PRR19: variants seen among roughly 807,000 people sequenced by gnomAD.
PRR19 encodes proline-rich protein 19.
In PRR19, 9 loss-of-function variants were observed where a neutral mutation model predicts 19.2. The observed-to-expected ratio is 0.47, with a 90% CI of 0.28 to 0.82. PRR19 has a LOEUF of 0.82. Ranked by LOEUF, PRR19 falls within the 40% of genes least tolerant of loss-of-function variation. The pLI is 0.11. For missense variants in PRR19, 457 were observed against 466.0 expected, an observed-to-expected ratio of 0.98 and a Z score of 0.18; for synonymous variants, 190 against 191.0, an observed-to-expected ratio of 0.99 and a Z score of 0.04.
intron 1 of PRR19, among the ~76,000 whole-genome samples, chr19:42,303,064 G>GGGGTGT (rs371257168): frequency 6.0e-4 from 80 of 134,034 alleles, no homozygotes; most frequent in East Asian, 2.0e-3. Flanking sequence ...AAACACCGTG[G>GGGGTGT]GTGTGTGTGT....
At chr19:42,303,564 G>A (rs1444544836) in intron 1 of PRR19, 1 of 152,188 alleles carries the variant, frequency 6.6e-6, no homozygotes, top group Non-Finnish European at 1.5e-5. Context: ...CTCACTCCAG[G>A]TGGGACCTTC....
In PRR19 at chr19:42,309,693, C is replaced by T. The variant is rs750410873; in HGVS notation, c.109C>T (p.Arg37Cys). ...RERNKALVGS[R>C]RPLAHHDPPV... ...ACGTAACAAGGCCCTGGTGGGCAGCCGCCGGCCATTAGCCCACCACGATCC... is the reference window on the plus strand; with the variant it reads ...ACGTAACAAGGCCCTGGTGGGCAGCTGCCGGCCATTAGCCCACCACGATCC... The change falls in exon 2 of 3, where the codon CGC (arginine) becomes TGC (cysteine). Residue 37 changes from arginine to cysteine, a missense_variant. Transcript: ENST00000341747. 35 of 1,603,518 alleles carry T rather than the reference C, an allele frequency of 2.2e-5. No homozygotes were observed. In the East Asian group the frequency reaches 3.8e-4, roughly 17 times the overall value.
chr19:42,305,426 G>A (rs900833230), intron 1 of PRR19, among the ~76,000 whole-genome samples: 1 of 151,426 alleles, frequency 6.6e-6, no homozygotes, highest in Non-Finnish European at 1.5e-5. Flanking sequence ...CTACAGGCGT[G>A]TGCCACCACG....
chr19:42,309,020 C>G (rs946669800), intron 1 of PRR19: 1 of 152,358 alleles, frequency 6.6e-6, no homozygotes, highest in African/African-American at 2.4e-5. Flanking sequence ...AAGCAATTCT[C>G]CTGCCTCAGC....
In PRR19 at chr19:42,310,267, C is replaced by T. The variant is rs2038775184; in HGVS notation, c.602-4C>T. On this transcript the variant is annotated splice_region_variant and splice_polypyrimidine_tract_variant and intron_variant, in intron 2 of 2. Transcript: ENST00000341747. Reference sequence around the variant, plus strand: ...AGCCTCTATGCTTCTTTCCTCTGTGCCAGGGGCCAAGCCTGGGGTCTCTGA... The same window carrying T: ...AGCCTCTATGCTTCTTTCCTCTGTGTCAGGGGCCAAGCCTGGGGTCTCTGA... The T allele has an allele frequency of 6.2e-7, 1 of 1,614,054 alleles. No individual in the cohort carries two copies. Among genetic ancestry groups the T allele is most frequent in the East Asian group, 2.2e-5 (1 of 44,882 alleles).
At chr19:42,305,673 A>G (rs1714269979) in intron 1 of PRR19, among the ~76,000 whole-genome samples, 1 of 152,200 alleles carries the variant, frequency 6.6e-6, no homozygotes, top group Non-Finnish European at 1.5e-5. Flanking sequence ...GGCATTCTTC[A>G]TTCACCAGGC....
chr19:42,308,315 C>G (rs1299848014), intron 1 of PRR19, among the ~76,000 whole-genome samples: 1 of 152,018 alleles, frequency 6.6e-6, no homozygotes, highest in African/African-American at 2.4e-5. Context: ...TAACCTCCAA[C>G]TCCTGGGCTC....
intron 1 of PRR19, among the ~76,000 whole-genome samples, chr19:42,308,004 G>A (rs1046624723): frequency 6.7e-6 from 1 of 149,632 alleles, no homozygotes; most frequent in Non-Finnish European, 1.5e-5. Context: ...TGATCCGCCC[G>A]CCTCGGCCTC....
rs781392619 is a variant in PRR19, at chr19:42,309,940, G to A, written c.356G>A (p.Arg119Gln). ...GGCAGGGCCCAGGAACCAGCCCCAC[G>A]GTCCAGGGACAAAGAGAACCAGGTG... is the stretch of plus-strand genomic sequence containing the variant. Reference protein sequence around the residue: ...SPGRAQEPAPRSRDKENQVPG... With the variant: ...SPGRAQEPAPQSRDKENQVPG... The change falls in exon 2 of 3, where the codon CGG becomes CAG. Residue 119 changes from arginine to glutamine, a missense_variant. Transcript: ENST00000341747. 1.2e-5 allele frequency: 19 copies of A among 1,613,614 alleles called. No individual in the cohort carries two copies. Among genetic ancestry groups the A allele is most frequent in the Middle Eastern group, 1.6e-4 (1 of 6,076 alleles).
chr19:42,308,000 G>T (rs1366667138), intron 1 of PRR19, among the ~76,000 whole-genome samples: 1 of 147,444 alleles, frequency 6.8e-6, no homozygotes, highest in Non-Finnish European at 1.5e-5. Context: ...CTGGTGATCC[G>T]CCCGCCTCGG....
chr19:42,303,657 T>G (rs2615614), intron 1 of PRR19: 1 of 152,172 alleles, frequency 6.6e-6, no homozygotes, highest in Non-Finnish European at 1.5e-5. Context: ...CAATCCACTT[T>G]CCTGGAACTG....
At chr19:42,307,637 G>A (rs1167148895) in intron 1 of PRR19, among the ~76,000 whole-genome samples, 1 of 150,028 alleles carries the variant, frequency 6.7e-6, no homozygotes, top group African/African-American at 2.5e-5. Context: ...GGTTTCACAT[G>A]TTGCCCAGGC....
At chr19:42,303,984 T>G (rs747054955) in intron 1 of PRR19, among the ~76,000 whole-genome samples, 7 of 152,036 alleles carry the variant, frequency 4.6e-5, no homozygotes, top group Non-Finnish European at 2.9e-5. Flanking sequence ...AGCTTGATTT[T>G]AAAGTCTGAG....
At chr19:42,309,480 A>C in intron 1 of PRR19, 99 bp from the exon 2 acceptor site, 1 of 889,426 alleles carries the variant, frequency 1.1e-6, no homozygotes, top group Non-Finnish European at 1.7e-6. Context: ...CAGTGTTGGT[A>C]TTACAGGCAT....
At chr19:42,308,142 A>T (rs1015489637) in intron 1 of PRR19, among the ~76,000 whole-genome samples, 1 of 151,724 alleles carries the variant, frequency 6.6e-6, no homozygotes, top group East Asian at 1.9e-4. Context: ...ATTAGCTGTG[A>T]CTCCTTCGAC....
rs112763327 is a variant in PRR19, at chr19:42,310,482, G to A, written c.813G>A (p.Ser271=). The part of the protein sequence containing the change: ...PWPPYFPSLS[S]PSGTAWGPPT... ...CACCATACTTTCCCTCACTGTCTTC[G>A]CCATCTGGAACAGCCTGGGGTCCCC... The change falls in exon 3 of 3, where the codon TCG becomes TCA. Residue 271 remains serine, a synonymous_variant. Transcript: ENST00000341747. 1.4e-5 allele frequency: 23 copies of A among 1,614,118 alleles called. No individual in the cohort carries two copies. Among genetic ancestry groups the A allele is most frequent in the African/African-American group, 4.0e-5 (3 of 75,026 alleles).
At position 42,310,061 on chromosome 19, in the gene PRR19, G is replaced by A. The variant is rs1238859385; in HGVS notation, c.477G>A (p.Gln159=). 6.2e-7 allele frequency: 1 copy of A among 1,614,062 alleles called. No homozygotes were observed. The change falls in exon 2 of 3, where the codon CAG becomes CAA. Residue 159 remains glutamine, a synonymous_variant. Coordinates refer to ENST00000341747, the MANE Select transcript of PRR19 (RefSeq NM_199285.3). ...TGCAGTGTCAGCTGAGTTTGCCACAGGCCTTCCCCCGGAGGAACCTGATTC... is the reference window on the plus strand; with the variant it reads ...TGCAGTGTCAGCTGAGTTTGCCACAAGCCTTCCCCCGGAGGAACCTGATTC... ...AELQCQLSLP[Q]AFPRRNLIQD... is the part of the protein sequence containing the mutation.
rs1225593489 is a variant in PRR19, at chr19:42,306,132, C to T, written c.-6-3447C>T. Among the ~76,000 whole-genome samples, 7 of 152,224 alleles carry T rather than the reference C, an allele frequency of 4.6e-5. No homozygotes were observed. The South Asian group carries it at 6.2e-4, about 13-fold the overall frequency. ...CACCTCCTAGGCTTAAGTGATCCTCCTGCATCAGCCTCCCAAGTAGCTGGG... is the reference window on the plus strand; with the variant it reads ...CACCTCCTAGGCTTAAGTGATCCTCTTGCATCAGCCTCCCAAGTAGCTGGG... On this transcript the variant is annotated intron_variant, in intron 1 of 2. Coordinates refer to ENST00000341747, the MANE Select transcript of PRR19 (RefSeq NM_199285.3).
Position 42,302,399 on chromosome 19 carries a change from C to T in PRR19, c.-111C>T. 8.2e-7 allele frequency: 1 copy of T among 1,220,972 alleles called. No homozygotes were observed. The highest frequency in any genetic ancestry group is 1.4e-5 in the South Asian group (1 of 71,328). The allele number at this position is 1,220,972 out of a possible 1,614,324, so 75.6% of individuals were successfully genotyped here. A position where few individuals can be genotyped will look rare whatever the true frequency, so the allele number is the denominator to read the frequency against. On this transcript the variant is annotated 5_prime_UTR_variant, in exon 1 of 3. Coordinates refer to ENST00000341747, the MANE Select transcript of PRR19 (RefSeq NM_199285.3). ...TGGCTCCGCCACGCCCACTCCTACCCCTCGCGGCAACAAAGGACCGTCCCA... is the reference window on the plus strand; with the variant it reads ...TGGCTCCGCCACGCCCACTCCTACCTCTCGCGGCAACAAAGGACCGTCCCA...
Sources: gnomAD v4.1 joint callset for allele counts (sites outside exome capture counted in the v4.1 genomes callset) on GRCh38, gnomAD v4.1.1 for gene constraint, MANE v1.5 for transcripts, NCBI Gene and HGNC (gene_info 2026-07-23, HGNC 2026-07-21) for gene names.